Variants in MTA1 observed in about 807,000 individuals in gnomAD.
The protein encoded by MTA1 is metastasis associated 1, also known as metastasis-associated protein MTA1.
In MTA1, 15 loss-of-function variants were observed where a neutral mutation model predicts 97.0. The ratio of observed to expected loss-of-function variants is 0.15; its 90% CI spans 0.10 to 0.24. The LOEUF is 0.24. Ranked by LOEUF, MTA1 falls within the 10% of genes least tolerant of loss-of-function variation. MTA1 has a pLI of 1.00. For missense variants in MTA1, 709 were observed against 1,015.1 expected (o/e 0.70, Z 4.10); for synonymous variants, 435 against 417.5 (o/e 1.04, Z -0.51).
chr14:105,454,048 C>T (rs1439963567), intron 6 of MTA1, 145 bp from the exon 7 acceptor site: 7 of 576,860 alleles, frequency 1.2e-5, no homozygotes, highest in South Asian at 7.4e-5. Flanking sequence ...GGGGCTCCTG[C>T]GCCCTCCCTC....
chr14:105,431,169 TCTC>T (rs1555423264), intron 1 of MTA1, among the ~76,000 whole-genome samples: 4 of 152,156 alleles, frequency 2.6e-5, no homozygotes, highest in Non-Finnish European at 5.9e-5. Flanking sequence ...TGTCCTCACT[TCTC>T]CTGCCTCAGC....
chr14:105,432,237 T>TTTTA (rs879989382), intron 1 of MTA1, among the ~76,000 whole-genome samples: 1 of 152,032 alleles, frequency 6.6e-6, no homozygotes, highest in Non-Finnish European at 1.5e-5. Context: ...TATTTTTATT[T>TTTTA]TTTATTTATT....
Position 105,422,237 on chromosome 14 carries a change from G to C in MTA1, c.28+2174G>C, listed in dbSNP as rs927393145. Among the ~76,000 whole-genome samples, 1 of 152,132 alleles carries C rather than the reference G, an allele frequency of 6.6e-6. No homozygotes were observed. The highest frequency in any genetic ancestry group is 6.5e-5 in the Admixed American group (1 of 15,282). Reference sequence around the variant, plus strand: ...GCATTTATCCCTGGCTTCTGGACCGGAACCCTGGGTTCCGGCAGGACCCCG... The same window carrying C: ...GCATTTATCCCTGGCTTCTGGACCGCAACCCTGGGTTCCGGCAGGACCCCG... On this transcript the variant is annotated intron_variant, in intron 1 of 20. Coordinates refer to ENST00000331320, the MANE Select transcript of MTA1 (RefSeq NM_004689.4). This position sits in a 1 kb window ranked among gnomAD's most constrained non-coding sequence, Gnocchi z 4.3.
intron 19 of MTA1, 171 bp downstream of exon 19, chr14:105,469,669 G>A (rs2083750210): frequency 5.0e-6 from 6 of 1,202,566 alleles, no homozygotes; most frequent in South Asian, 1.5e-5. Context: ...GCCAGGCCCA[G>A]CGGTGTGCGG....
chr14:105,440,999 G>A lies in MTA1; in HGVS notation c.96+2260G>A, dbSNP rs78909400. Among the ~76,000 whole-genome samples, 1,079 of 152,360 alleles carry A rather than the reference G, an allele frequency of 7.1e-3. 6 individuals carry two copies. Among genetic ancestry groups the A allele is most frequent in the East Asian group, 0.025 (129 of 5,190 alleles). On this transcript the variant is annotated intron_variant, in intron 2 of 20. Transcript: ENST00000331320. The stretch of plus-strand genomic sequence containing the variant: ...CCACTGGGAGGTATGGGCACAGCTT[G>A]GAAGGCAGCCAGGCAGACTGGGCAA...
At position 105,419,883 on chromosome 14, in the gene MTA1, T is replaced by TCGGCGGCCTCGGCGG. The variant is rs2081765420; in HGVS notation, c.-146_-145insCTCGGCGGCGGCGGC. The stretch of plus-strand genomic sequence containing the variant: ...CCGTCCCTGCGCGGCCTCGGCGGCC[T>TCGGCGGCCTCGGCGG]CGGCGGCGGCGGCGGCGGCGGCGGC... On this transcript the variant is annotated 5_prime_UTR_variant, in exon 1 of 21. Coordinates refer to ENST00000331320, the MANE Select transcript of MTA1 (RefSeq NM_004689.4). The TCGGCGGCCTCGGCGG allele has an allele frequency of 1.1e-5, 2 of 181,408 alleles. No homozygotes were observed. Among genetic ancestry groups the TCGGCGGCCTCGGCGG allele is most frequent in the Non-Finnish European group, 1.9e-5 (2 of 102,868 alleles). 11.2% of individuals were successfully genotyped at this position (181,408 alleles called of 1,614,324 possible). A position where few individuals can be genotyped will look rare whatever the true frequency, so the allele number is the denominator to read the frequency against.
chr14:105,460,546 C>A (rs904910991), intron 9 of MTA1, 89 bp downstream of exon 9: 55 of 1,351,644 alleles, frequency 4.1e-5, no homozygotes, highest in Non-Finnish European at 5.4e-5. Flanking sequence ...GGCCCAGCAC[C>A]TGCCCCAGGT....
At position 105,458,342 on chromosome 14, in the gene MTA1, A is replaced by G. The variant is rs1555430335; in HGVS notation, c.623A>G (p.Lys208Arg). 2 of 1,612,706 alleles carry G rather than the reference A, an allele frequency of 1.2e-6. No individual in the cohort carries two copies. Among genetic ancestry groups the G allele is most frequent in the Non-Finnish European group, 1.7e-6 (2 of 1,179,912 alleles). The change falls in exon 8 of 21, where the codon AAG becomes AGG. Residue 208 changes from lysine (K) to arginine (R), a missense_variant. Physicochemically the swap from Lys to Arg is conservative, Grantham distance 26. Coordinates refer to ENST00000331320, the MANE Select transcript of MTA1 (RefSeq NM_004689.4). Reference sequence around the variant, plus strand: ...GAGGCGCACAACCCACTCACAGACAAGCAGATCGACCAGTTCCTGGTGGTG... The same window carrying G: ...GAGGCGCACAACCCACTCACAGACAGGCAGATCGACCAGTTCCTGGTGGTG... ...VWEAHNPLTD[K>R]QIDQFLVVAR...
intron 6 of MTA1, among the ~76,000 whole-genome samples, chr14:105,453,591 C>T (rs2083028696): frequency 6.6e-6 from 1 of 152,196 alleles, no homozygotes; most frequent in Non-Finnish European, 1.5e-5. Context: ...GGGTGGATCA[C>T]CTGAGCTCAG....
intron 1 of MTA1, among the ~76,000 whole-genome samples, chr14:105,436,069 G>A (rs2141462591): frequency 6.6e-6 from 1 of 152,288 alleles, no homozygotes; most frequent in South Asian, 2.1e-4. Context: ...AGGAGTTTGA[G>A]ACCAGCCTGG....
At chr14:105,468,263 G>C (rs1555433389) in intron 18 of MTA1, 1 of 1,276,114 alleles carries the variant, frequency 7.8e-7, no homozygotes, top group South Asian at 1.2e-5. Flanking sequence ...CACCTGCGGG[G>C]CCTGCAGATG....
chr14:105,466,164 C>T, intron 16 of MTA1: 1 of 546,698 alleles, frequency 1.8e-6, no homozygotes, highest in Non-Finnish European at 3.3e-6. Flanking sequence ...GGGGCCTGGC[C>T]CCCGCCAGGT....
chr14:105,463,130 G>A lies in MTA1; in HGVS notation c.943-54G>A. ...CCGCAGCCCTGCCCCTGCCTGCATG[G>A]TGTGCCTGCCTCCTGCCCCTTCCTG... is the stretch of plus-strand genomic sequence containing the variant. On this transcript the variant is annotated intron_variant, in intron 10 of 20. Transcript: ENST00000331320. This position sits in a 1 kb window ranked among gnomAD's most constrained non-coding sequence, Gnocchi z 5.9. 1.9e-6 allele frequency: 3 copies of A among 1,560,292 alleles called. No individual in the cohort carries two copies.
chr14:105,447,519 C>T (rs1297977850), intron 3 of MTA1, among the ~76,000 whole-genome samples: 27 of 152,178 alleles, frequency 1.8e-4, no homozygotes, highest in Non-Finnish European at 3.7e-4. Context: ...CCAGACATAA[C>T]GTGATTAGAG....
At chr14:105,438,336 C>A (rs587615124) in intron 1 of MTA1, among the ~76,000 whole-genome samples, 2 of 152,082 alleles carry the variant, frequency 1.3e-5, no homozygotes, top group Non-Finnish European at 2.9e-5. Context: ...GGGAAGCTGC[C>A]GCCTGGCCCC....
intron 7 of MTA1, among the ~76,000 whole-genome samples, chr14:105,456,791 G>A (rs2083169995): frequency 6.6e-6 from 1 of 152,206 alleles, no homozygotes; most frequent in Admixed American, 6.5e-5. Flanking sequence ...GTACCCCTGA[G>A]CCAGGTGAGG....
chr14:105,425,888 G>A (rs2081995801), intron 1 of MTA1, among the ~76,000 whole-genome samples: 1 of 151,922 alleles, frequency 6.6e-6, no homozygotes, highest in African/African-American at 2.4e-5. Context: ...GCTTCTATGG[G>A]CTTTGCACCA....
At chr14:105,436,350 T>C (rs188687872) in intron 1 of MTA1, among the ~76,000 whole-genome samples, 2 of 152,358 alleles carry the variant, frequency 1.3e-5, no homozygotes, top group Admixed American at 1.3e-4. Flanking sequence ...ATTTTTACTC[T>C]ATCATTTCCT....
chr14:105,463,120 T>G lies in MTA1; in HGVS notation c.943-64T>G. On this transcript the variant is annotated intron_variant, in intron 10 of 20. Coordinates refer to ENST00000331320, the MANE Select transcript of MTA1 (RefSeq NM_004689.4). This position sits in a 1 kb window ranked among gnomAD's most constrained non-coding sequence, Gnocchi z 5.9. ...GGCCTTCTGGCCGCAGCCCTGCCCC[T>G]GCCTGCATGGTGTGCCTGCCTCCTG... 1 of 1,514,332 alleles carries G rather than the reference T, an allele frequency of 6.6e-7. No individual in the cohort carries two copies. The highest frequency in any genetic ancestry group is 9.1e-7 in the Non-Finnish European group (1 of 1,098,366). The allele number at this position is 1,514,332 out of a possible 1,614,324, so 93.8% of individuals were successfully genotyped here. A position where few individuals can be genotyped will look rare whatever the true frequency, so the allele number is the denominator to read the frequency against.
Sources: allele counts gnomAD v4.1 joint callset (sites outside exome capture counted in the v4.1 genomes callset), GRCh38; gene constraint gnomAD v4.1.1; non-coding constraint Gnocchi (gnomAD v3.1); transcripts MANE v1.5; gene names NCBI Gene and HGNC (gene_info 2026-07-23, HGNC 2026-07-21).